The following GRIK5 variants were observed in gnomAD, a reference collection of about 807,000 sequenced individuals.
GRIK5 encodes glutamate receptor ionotropic, kainate 5.
In GRIK5, 43 loss-of-function variants were observed where a neutral mutation model predicts 97.4. The ratio of observed to expected loss-of-function variants is 0.44; its 90% confidence interval spans 0.35 to 0.57. The LOEUF (loss-of-function observed/expected upper bound fraction) is 0.57, where lower values mean the gene tolerates loss of function less well. Among genes scored for constraint, GRIK5 ranks in the 20% least tolerant of loss-of-function variants. The probability of loss-of-function intolerance (pLI) is 0.01; values close to 1 mark genes in which losing one functional copy is unlikely to be tolerated. For missense variants in GRIK5, 1,015 were observed against 1,382.0 expected, an observed-to-expected ratio of 0.73 and a Z score of 4.21; for synonymous variants, 580 against 583.5, an observed-to-expected ratio of 0.99 and a Z score of 0.09.
chr19:42,046,111 G>A (rs1275325755), intron 11 of GRIK5, among the ~76,000 whole-genome samples: 1 of 152,154 alleles, frequency 6.6e-6, no homozygotes, highest in East Asian at 1.9e-4. Flanking sequence ...CTAGCCCAAG[G>A]CCACCCAGCT....
In GRIK5 at chr19:42,062,985, C is replaced by T; in HGVS notation, c.245-130G>A. On this transcript the variant is annotated intron_variant, in intron 3 of 19. Transcript: ENST00000593562. The surrounding 1 kb of genome is among the most constrained non-coding windows in gnomAD (Gnocchi z 5.3). ...CAACTGCCTGATCCTCTTCTGCCAT[C>T]CGGGACCCAGAAGGCCAGTCTCTGA... The T allele has an allele frequency of 2.9e-6, 2 of 682,738 alleles. No individual in the cohort carries two copies. Among genetic ancestry groups the T allele is most frequent in the South Asian group, 3.4e-5 (2 of 58,748 alleles). 42.3% of individuals were successfully genotyped at this position (682,738 alleles called of 1,614,324 possible). A position where few individuals can be genotyped will look rare whatever the true frequency, so the allele number is the denominator to read the frequency against.
At chr19:42,038,092 G>C (rs1397965669) in intron 12 of GRIK5, among the ~76,000 whole-genome samples, 1 of 152,330 alleles carries the variant, frequency 6.6e-6, no homozygotes, top group South Asian at 2.1e-4. Flanking sequence ...AGGGGCTTCA[G>C]TTAAAGCATA....
chr19:42,052,740 G>A (rs1211680544), intron 11 of GRIK5, among the ~76,000 whole-genome samples: 1 of 152,164 alleles, frequency 6.6e-6, no homozygotes, highest in East Asian at 1.9e-4. Flanking sequence ...GCCGCTTGGG[G>A]AAGCCTCCTG....
At chr19:42,008,549 T>G (rs2075521699) in intron 15 of GRIK5, among the ~76,000 whole-genome samples, 1 of 151,876 alleles carries the variant, frequency 6.6e-6, no homozygotes. Context: ...ATCGTTGGAA[T>G]CCAGGAGGTG....
In GRIK5 at chr19:41,998,792, CG is replaced by C; in HGVS notation, c.*78del. 1.4e-6 allele frequency: 1 copy of C among 721,884 alleles called. No homozygotes were observed. Among genetic ancestry groups the C allele is most frequent in the Non-Finnish European group, 1.7e-6 (1 of 573,026 alleles). The allele number at this position is 721,884 out of a possible 1,614,324, so 44.7% of individuals were successfully genotyped here. On this transcript the variant is annotated 3_prime_UTR_variant, in exon 20 of 20. Transcript: ENST00000593562. The stretch of plus-strand genomic sequence containing the variant: ...CACAAGTCCTGTCCCGCGCCCGCTG[CG>C]GGAGCGGAGACTGCTGGGGCCTGGG...
intron 11 of GRIK5, among the ~76,000 whole-genome samples, chr19:42,049,421 G>C (rs2076084245): frequency 6.6e-6 from 1 of 152,180 alleles, no homozygotes; most frequent in Non-Finnish European, 1.5e-5. Flanking sequence ...TAGATTGGAT[G>C]AATCAGGAAA....
In GRIK5 at chr19:42,042,812, G is replaced by A. The variant is rs887418369; in HGVS notation, c.1270-57C>T. 54 of 1,383,074 alleles carry A rather than the reference G, an allele frequency of 3.9e-5. No homozygotes were observed. In the Admixed American group the frequency reaches 7.2e-4, roughly 18 times the overall value. The allele number at this position is 1,383,074 out of a possible 1,614,324, so 85.7% of individuals were successfully genotyped here. On this transcript the variant is annotated intron_variant, in intron 11 of 19. Transcript: ENST00000593562. The surrounding 1 kb of genome is among the most constrained non-coding windows in gnomAD (Gnocchi z 6.9). ...GCTGGGTGTCTAGTGGCTGGGTTGC[G>A]GATCCTGGAGCCCGGACCAGGCAGG...
At chr19:42,068,876 G>A in intron 1 of GRIK5, 1 of 685,320 alleles carries the variant, frequency 1.5e-6, no homozygotes, top group Non-Finnish European at 2.7e-6. Flanking sequence ...GGCAGAGGAT[G>A]AGGCTCAGAG....
At position 42,022,014 on chromosome 19, in the gene GRIK5, G is replaced by C. The variant is rs917420928; in HGVS notation, c.1630C>G (p.Pro544Ala). The change falls in exon 14 of 20, where the codon CCT becomes GCT. Residue 544 changes from proline (P) to alanine (A), a missense_variant. Physicochemically the swap from Pro to Ala is conservative, Grantham distance 27. Around this residue, in one of 5 missense-constraint regions of GRIK5, gnomAD observed 477 missense variants for 701.1 expected, o/e 0.68. Transcript: ENST00000593562. This position sits in a 1 kb window ranked among gnomAD's most constrained non-coding sequence, Gnocchi z 4.2. ...AGAAGCATGAAGAGCCACACAGCAG[G>C]GGAGAAGGGGTCCAGGAAGGAGAAG... Reference protein sequence around the residue: ...GYFSFLDPFSPAVWLFMLLAY... With the variant: ...GYFSFLDPFSAAVWLFMLLAY... 5.6e-6 allele frequency: 9 copies of C among 1,613,916 alleles called. No homozygotes were observed. The highest frequency in any genetic ancestry group is 7.6e-6 in the Non-Finnish European group (9 of 1,179,912).
intron 12 of GRIK5, among the ~76,000 whole-genome samples, chr19:42,027,168 A>T (rs2146067560): frequency 6.6e-6 from 1 of 152,214 alleles, no homozygotes; most frequent in East Asian, 1.9e-4. Context: ...AGCTTTGGGG[A>T]TACGGCGGTG....
At position 41,999,103 on chromosome 19, in the gene GRIK5, C is replaced by T. The variant is rs2075403916; in HGVS notation, c.2711G>A (p.Gly904Glu). Residue 904 changes from glycine (G) to glutamate (E), a missense_variant, in exon 20 of 20, where the codon GGG becomes GAG. Gly to Glu is a moderately conservative substitution (Grantham distance 98). Around this residue, in one of 5 missense-constraint regions of GRIK5, gnomAD observed 229 missense variants for 341.0 expected, o/e 0.67. Coordinates refer to ENST00000593562, the MANE Select transcript of GRIK5 (RefSeq NM_002088.5). This position sits in a 1 kb window ranked among gnomAD's most constrained non-coding sequence, Gnocchi z 5.0. ...GTCGTCCAGGAGGCGCTGCGGGCCC[C>T]CGTGCGCGCTGCCCGCATCCCCGCC... is the stretch of plus-strand genomic sequence containing the variant. Reference protein sequence around the residue: ...GAGGDAGSAHGGPQRLLDDPG... With the variant: ...GAGGDAGSAHEGPQRLLDDPG... The T allele has an allele frequency of 1.5e-6, 2 of 1,366,686 alleles. No individual in the cohort carries two copies. Among genetic ancestry groups the T allele is most frequent in the Non-Finnish European group, 9.4e-7 (1 of 1,065,412 alleles). The allele number at this position is 1,366,686 out of a possible 1,614,324, so 84.7% of individuals were successfully genotyped here. A position where few individuals can be genotyped will look rare whatever the true frequency, so the allele number is the denominator to read the frequency against.
At chr19:42,064,251 T>G (rs2076298131) in intron 3 of GRIK5, among the ~76,000 whole-genome samples, 1 of 152,298 alleles carries the variant, frequency 6.6e-6, no homozygotes, top group East Asian at 1.9e-4. Flanking sequence ...TCCCAGTGCC[T>G]GTGGGTGAAG....
At chr19:42,037,047 C>T (rs909120647) in intron 12 of GRIK5, among the ~76,000 whole-genome samples, 2 of 152,250 alleles carry the variant, frequency 1.3e-5, no homozygotes, top group African/African-American at 4.8e-5. Flanking sequence ...GACTCCAAAA[C>T]CCATTCTTCT....
rs2075996367 is a variant in GRIK5, at chr19:42,042,848, A to AT, written c.1270-94dup. On this transcript the variant is annotated intron_variant, in intron 11 of 19. Coordinates refer to ENST00000593562, the MANE Select transcript of GRIK5 (RefSeq NM_002088.5). The surrounding 1 kb of genome is among the most constrained non-coding windows in gnomAD (Gnocchi z 6.9). The stretch of plus-strand genomic sequence containing the variant: ...CCCGGACCAGGCAGGTAGAGCAGGA[A>AT]TCTGCTTGCTGAGCACGGTTGATTT... 1.1e-6 allele frequency: 1 copy of AT among 908,376 alleles called. No homozygotes were observed. 56.3% of individuals were successfully genotyped at this position (908,376 alleles called of 1,614,324 possible).
chr19:42,047,972 CAAAA>C (rs552963887), intron 11 of GRIK5, among the ~76,000 whole-genome samples: 1 of 54,946 alleles, frequency 1.8e-5, no homozygotes, highest in African/African-American at 7.8e-5. Flanking sequence ...GACTCTGTCT[CAAAA>C]AAAAAAAAAA....
At chr19:42,015,206 C>T (rs1017106074) in intron 15 of GRIK5, among the ~76,000 whole-genome samples, 1 of 152,182 alleles carries the variant, frequency 6.6e-6, no homozygotes, top group African/African-American at 2.4e-5. Flanking sequence ...CCTGCAATTA[C>T]AGGGTGAGAT....
Position 42,006,562 on chromosome 19 carries a change from G to C in GRIK5, c.2037+83C>G. 1 of 1,232,266 alleles carries C rather than the reference G, an allele frequency of 8.1e-7. No homozygotes were observed. Among genetic ancestry groups the C allele is most frequent in the Non-Finnish European group, 1.2e-6 (1 of 851,942 alleles). 76.3% of individuals were successfully genotyped at this position (1,232,266 alleles called of 1,614,324 possible). On this transcript the variant is annotated intron_variant, in intron 16 of 19. Transcript: ENST00000593562. The surrounding 1 kb of genome is among the most constrained non-coding windows in gnomAD (Gnocchi z 5.3). The stretch of plus-strand genomic sequence containing the variant: ...ACTGACAATCAGTCCCTCTGACCCA[G>C]GAGACCCTGCCCAGACCCATCCTGA...
At chr19:42,053,748 C>T in intron 10 of GRIK5, 39 bp from the exon 11 acceptor site, 1 of 1,556,408 alleles carries the variant, frequency 6.4e-7, no homozygotes, top group Non-Finnish European at 8.9e-7. Context: ...CAGGCCCTGC[C>T]TGAGGTCATG....
Position 42,025,097 on chromosome 19 carries a change from C to T in GRIK5, c.1474-2743G>A, listed in dbSNP as rs1037133348. 3.3e-5 allele frequency among the ~76,000 whole-genome samples: 5 copies of T among 152,164 alleles called. No homozygotes were observed. In the South Asian group the frequency reaches 1.0e-3, roughly 32 times the overall value. The stretch of plus-strand genomic sequence containing the variant: ...GAATGTTGCTGCTTCCTCTGGGGCC[C>T]TCCCAGATGCAGAGACCTCTTCTTC... On this transcript the variant is annotated intron_variant, in intron 12 of 19. Coordinates refer to ENST00000593562, the MANE Select transcript of GRIK5 (RefSeq NM_002088.5).
Sources: gnomAD v4.1 joint callset for allele counts (sites outside exome capture counted in the v4.1 genomes callset) on GRCh38, gnomAD v4.1.1 for gene constraint, gnomAD v4.1.1 regional missense constraint, Gnocchi (gnomAD v3.1) non-coding constraint, MANE v1.5 for transcripts, NCBI Gene and HGNC (gene_info 2026-07-23, HGNC 2026-07-21) for gene names.